Variants in CKLF observed in about 807,000 individuals in gnomAD.
CKLF encodes chemokine-like factor.
In CKLF, 16 loss-of-function variants were observed where a neutral mutation model predicts 12.9. That is an observed-to-expected ratio of 1.24 (90% CI 0.84 to 1.88). CKLF has a LOEUF of 1.88. Ranked by LOEUF, CKLF falls within the 40% of genes most tolerant of loss-of-function variation. CKLF has a pLI of 0.00. For missense variants in CKLF, 172 were observed against 188.5 expected (o/e 0.91, Z 0.51); for synonymous variants, 61 against 69.0 (o/e 0.88, Z 0.57).
chr16:66,552,896 G>A (rs2144511212), intron 1 of CKLF, 103 bp downstream of exon 1: 1 of 1,547,700 alleles, frequency 6.5e-7, no homozygotes, highest in South Asian at 1.1e-5. Flanking sequence ...TTTCAACCTC[G>A]CTTTGATCAA....
At chr16:66,555,926 T>G (rs1567549048) in intron 1 of CKLF, among the ~76,000 whole-genome samples, 1 of 152,014 alleles carries the variant, frequency 6.6e-6, no homozygotes, top group Non-Finnish European at 1.5e-5. Flanking sequence ...GCATGGGTGA[T>G]AAGGTAGATT....
Position 66,552,703 on chromosome 16 carries a change from G to T in CKLF, c.-13G>T. On this transcript the variant is annotated 5_prime_UTR_variant, in exon 1 of 4. Coordinates refer to ENST00000264001, the MANE Select transcript of CKLF (RefSeq NM_016951.4). Reference sequence around the variant, plus strand: ...AGTTGAGGGAAAGTGCTGCTGCTGGGTCTGCAGACGCGATGGATAACGTGC... The same window carrying T: ...AGTTGAGGGAAAGTGCTGCTGCTGGTTCTGCAGACGCGATGGATAACGTGC... 1 of 1,614,152 alleles carries T rather than the reference G, an allele frequency of 6.2e-7. No individual in the cohort carries two copies. Among genetic ancestry groups the T allele is most frequent in the Non-Finnish European group, 8.5e-7 (1 of 1,180,028 alleles).
At chr16:66,564,785 A>G (rs2012068458) in intron 3 of CKLF, among the ~76,000 whole-genome samples, 1 of 152,056 alleles carries the variant, frequency 6.6e-6, no homozygotes, top group Non-Finnish European at 1.5e-5. Context: ...TTTTCTTTAC[A>G]TTTATAATGT....
chr16:66,561,646 G>A (rs1056879416), intron 2 of CKLF, among the ~76,000 whole-genome samples: 1 of 152,174 alleles, frequency 6.6e-6, no homozygotes, highest in African/African-American at 2.4e-5. Flanking sequence ...ACAGAAGAGA[G>A]TTAACCTAGA....
intron 3 of CKLF, among the ~76,000 whole-genome samples, chr16:66,563,678 G>A (rs2011915352): frequency 6.6e-6 from 1 of 152,196 alleles, no homozygotes; most frequent in East Asian, 1.9e-4. Flanking sequence ...TATAATAGAT[G>A]ATGTCCTTAC....
chr16:66,555,763 A>C (rs569004717), intron 1 of CKLF, among the ~76,000 whole-genome samples: 1 of 152,216 alleles, frequency 6.6e-6, no homozygotes. Flanking sequence ...CATGTTAGAA[A>C]TTTCATCATG....
At chr16:66,560,940 C>G (rs921599532) in intron 2 of CKLF, among the ~76,000 whole-genome samples, 4 of 151,920 alleles carry the variant, frequency 2.6e-5, no homozygotes, top group African/African-American at 9.7e-5. Flanking sequence ...AGGAAAGAGA[C>G]AACTAGAGGG....
intron 1 of CKLF, among the ~76,000 whole-genome samples, chr16:66,556,188 G>A (rs952856604): frequency 5.9e-5 from 9 of 151,756 alleles, no homozygotes; most frequent in African/African-American, 9.7e-5. Flanking sequence ...TTAAAATCTC[G>A]GAGAACTGAC....
Position 66,565,812 on chromosome 16 carries a change from G to A in CKLF, c.334-74G>A, listed in dbSNP as rs1017956722. 11 of 1,418,856 alleles carry A rather than the reference G, an allele frequency of 7.8e-6. No homozygotes were observed. In the Admixed American group the frequency reaches 1.2e-4, roughly 15 times the overall value. The allele number at this position is 1,418,856 out of a possible 1,614,324, so 87.9% of individuals were successfully genotyped here. A position where few individuals can be genotyped will look rare whatever the true frequency, so the allele number is the denominator to read the frequency against. On this transcript the variant is annotated intron_variant, in intron 3 of 3. Transcript: ENST00000264001. The stretch of plus-strand genomic sequence containing the variant: ...TAGCAAGAGAGGAATCTGGTGGGCA[G>A]ACCACTTAAAACTTGTGTGAATGAC...
chr16:66,561,838 C>T (rs1303968313), intron 2 of CKLF, among the ~76,000 whole-genome samples: 1 of 152,194 alleles, frequency 6.6e-6, no homozygotes, highest in Non-Finnish European at 1.5e-5. Flanking sequence ...TGCAAACATA[C>T]ATAAACCTTT....
At chr16:66,565,709 C>A in intron 3 of CKLF, 177 bp from the exon 4 acceptor site, 1 of 634,478 alleles carries the variant, frequency 1.6e-6, no homozygotes, top group Non-Finnish European at 2.8e-6. Context: ...GAAAACTTAG[C>A]AATGAGGAGA....
intron 1 of CKLF, among the ~76,000 whole-genome samples, chr16:66,554,265 G>C (rs2011319717): frequency 6.6e-6 from 1 of 152,216 alleles, no homozygotes; most frequent in Non-Finnish European, 1.5e-5. Flanking sequence ...AGATAGTTAA[G>C]ATATGTGATA....
chr16:66,553,389 G>T (rs1364751291), intron 1 of CKLF: 1 of 152,344 alleles, frequency 6.6e-6, no homozygotes, highest in East Asian at 1.9e-4. Flanking sequence ...TGAGTTCAAG[G>T]CTGATACAGC....
At chr16:66,558,576 G>A (rs2011543201) in intron 2 of CKLF, 1 of 415,634 alleles carries the variant, frequency 2.4e-6, no homozygotes, top group Non-Finnish European at 4.1e-6. Flanking sequence ...CAGTAGATGT[G>A]GCTGACGCTT....
chr16:66,555,208 G>A (rs1046319824), intron 1 of CKLF, among the ~76,000 whole-genome samples: 2 of 152,214 alleles, frequency 1.3e-5, no homozygotes, highest in Non-Finnish European at 2.9e-5. Context: ...CTGCACTCCA[G>A]CCTGGGTGAC....
Position 66,563,181 on chromosome 16 carries a change from G to T in CKLF, c.297G>T (p.Leu99=). The T allele has an allele frequency of 6.2e-7, 1 of 1,614,126 alleles. No homozygotes were observed. The highest frequency in any genetic ancestry group is 8.5e-7 in the Non-Finnish European group (1 of 1,180,026). The change falls in exon 3 of 4, where the codon CTG becomes CTT. Residue 99 remains leucine, a synonymous_variant. Coordinates refer to ENST00000264001, the MANE Select transcript of CKLF (RefSeq NM_016951.4). ...TGCTCATCGTATCTGTGTTGGCACT[G>T]ATACCAGAAACCACAACATTGACAG... The part of the protein sequence containing the change: ...VFMLIVSVLA[L]IPETTTLTVG...
chr16:66,557,254 G>C (rs558581284), intron 1 of CKLF, among the ~76,000 whole-genome samples: 3 of 152,178 alleles, frequency 2.0e-5, no homozygotes, highest in Non-Finnish European at 4.4e-5. Context: ...TGCAACCCCC[G>C]CATCCTGGGT....
Position 66,558,234 on chromosome 16 carries a change from C to T in CKLF, c.123C>T (p.Ala41=), listed in dbSNP as rs371342035. ...TSMTFFIIAQ[A]PEPYIVITGF... is the part of the protein sequence containing the mutation. ...TGACCTTTTTTATCATCGCACAAGCCCCTGAACCATATATTGTTATCACTG... is the reference window on the plus strand; with the variant it reads ...TGACCTTTTTTATCATCGCACAAGCTCCTGAACCATATATTGTTATCACTG... The change falls in exon 2 of 4, where the codon GCC becomes GCT. Residue 41 remains alanine (A), a synonymous_variant. Coordinates refer to ENST00000264001, the MANE Select transcript of CKLF (RefSeq NM_016951.4). 31 of 1,613,478 alleles carry T rather than the reference C, an allele frequency of 1.9e-5. No individual in the cohort carries two copies. The highest frequency in any genetic ancestry group is 2.5e-5 in the Non-Finnish European group (29 of 1,179,954).
chr16:66,557,003 C>T (rs1011102734), intron 1 of CKLF, among the ~76,000 whole-genome samples: 3 of 152,038 alleles, frequency 2.0e-5, no homozygotes, highest in Non-Finnish European at 4.4e-5. Context: ...TTAACATTGC[C>T]ATGTTCTGTA....
Sources: allele counts gnomAD v4.1 joint callset (sites outside exome capture counted in the v4.1 genomes callset), GRCh38; gene constraint gnomAD v4.1.1; transcripts MANE v1.5; gene names NCBI Gene and HGNC (gene_info 2026-07-23, HGNC 2026-07-21).